Variants in TSHZ2 observed in about 807,000 individuals in gnomAD.
TSHZ2 encodes the protein teashirt zinc finger homeobox 2.
In TSHZ2, 21 loss-of-function variants were observed where a neutral mutation model predicts 74.4. The ratio of observed to expected loss-of-function variants is 0.28; its 90% confidence interval spans 0.20 to 0.41. The LOEUF (loss-of-function observed/expected upper bound fraction) is 0.41. Among genes scored for constraint, TSHZ2 ranks in the 10% least tolerant of loss-of-function variants. TSHZ2 has a pLI of 1.00. For synonymous variants in TSHZ2, 540 were observed against 515.3 expected (o/e 1.05, Z -0.65); for missense variants, 1,244 against 1,293.5 (o/e 0.96, Z 0.59).
intron 1 of TSHZ2, among the ~76,000 whole-genome samples, chr20:53,070,042 C>T (rs1185908527): frequency 6.6e-6 from 1 of 152,070 alleles, no homozygotes. Context: ...TCAGGTAAAC[C>T]AAAATTATTT....
At chr20:53,111,394 A>G (rs1461674896) in intron 1 of TSHZ2, among the ~76,000 whole-genome samples, 3 of 152,148 alleles carry the variant, frequency 2.0e-5, no homozygotes, top group African/African-American at 7.2e-5. Flanking sequence ...AAATAACAAA[A>G]GTTTATTTCT....
At chr20:53,217,753 T>C (rs2123631338) in intron 1 of TSHZ2, among the ~76,000 whole-genome samples, 1 of 152,356 alleles carries the variant, frequency 6.6e-6, no homozygotes, top group Admixed American at 6.5e-5. Context: ...GGCTAAGGGC[T>C]ACATTTGATC....
intron 1 of TSHZ2, among the ~76,000 whole-genome samples, chr20:53,204,436 T>G (rs1166718390): frequency 6.6e-6 from 1 of 150,998 alleles, no homozygotes; most frequent in African/African-American, 2.4e-5. Context: ...TATATCATAA[T>G]ATGATATAAT....
At chr20:52,994,392 GGATGGATGGATGGATGGATGAGTA>G (rs1295344717) in intron 1 of TSHZ2, among the ~76,000 whole-genome samples, 5 of 151,676 alleles carry the variant, frequency 3.3e-5, no homozygotes, top group South Asian at 2.1e-4. Flanking sequence ...ATGGATAAAC[GGATGGATGGATGGATGGATGAGTA>G]GATGGATGGA....
intron 1 of TSHZ2, among the ~76,000 whole-genome samples, chr20:53,248,247 A>AT (rs1224933578): frequency 6.1e-5 from 9 of 148,224 alleles, no homozygotes; most frequent in South Asian, 4.3e-4. Context: ...TTTTTTTTTT[A>AT]TTTTTTTTGT....
chr20:53,255,826 C>T lies in TSHZ2; in HGVS notation c.2368C>T (p.His790Tyr). 1 of 1,612,798 alleles carries T rather than the reference C, an allele frequency of 6.2e-7. No homozygotes were observed. The stretch of plus-strand genomic sequence containing the variant: ...ATCTTGTATGTCCCCACCTCAGAAG[C>T]ACGCTCTGTCTGACATCGCCGACAT... Reference protein sequence around the residue: ...AQSCMSPPQKHALSDIADMVK... With the variant: ...AQSCMSPPQKYALSDIADMVK... Residue 790 changes from histidine (H) to tyrosine (Y), a missense_variant, in exon 2 of 3, where the codon CAC (histidine) becomes TAC (tyrosine). By Grantham distance (83) the His-to-Tyr change is moderately conservative. Coordinates refer to ENST00000371497, the MANE Select transcript of TSHZ2 (RefSeq NM_173485.6). This position sits in a 1 kb window ranked among gnomAD's most constrained non-coding sequence, Gnocchi z 4.1.
intron 2 of TSHZ2, among the ~76,000 whole-genome samples, chr20:53,418,697 GA>G (rs1219577657): frequency 1.3e-5 from 2 of 152,148 alleles, no homozygotes; most frequent in African/African-American, 4.8e-5. Context: ...TGGGGACACA[GA>G]GTCAAACCGT....
intron 1 of TSHZ2, among the ~76,000 whole-genome samples, chr20:53,185,984 G>A (rs1445993204): frequency 6.6e-6 from 1 of 152,198 alleles, no homozygotes; most frequent in Non-Finnish European, 1.5e-5. Flanking sequence ...CACTTGGGTG[G>A]ATTTCTTACT....
At chr20:53,110,878 C>T (rs1986515578) in intron 1 of TSHZ2, among the ~76,000 whole-genome samples, 1 of 150,910 alleles carries the variant, frequency 6.6e-6, no homozygotes, top group Admixed American at 6.6e-5. Context: ...GCAGCTGAGT[C>T]CCATTTTGGG....
rs1343007331 is a variant in TSHZ2 at position 53,489,720 on chromosome 20, A to ATGTC, written c.*2586_*2587insGTCT. ...TTGATAAATTTGGTAAGACAGGTGA[A>ATGTC]TTGCCGCCTGGCAACCGTGCATGTC... On this transcript the variant is annotated 3_prime_UTR_variant, in exon 3 of 3. Transcript: ENST00000371497. 1 of 156,672 alleles carries ATGTC rather than the reference A, an allele frequency of 6.4e-6. No homozygotes were observed. Among genetic ancestry groups the ATGTC allele is most frequent in the Non-Finnish European group, 1.4e-5 (1 of 70,822 alleles). 9.7% of individuals were successfully genotyped at this position (156,672 alleles called of 1,614,324 possible).
At chr20:53,033,514 C>T (rs967838235) in intron 1 of TSHZ2, among the ~76,000 whole-genome samples, 8 of 152,130 alleles carry the variant, frequency 5.3e-5, no homozygotes, top group Admixed American at 2.0e-4. Flanking sequence ...CGCCTTCTAA[C>T]GTCTCCTGCA....
chr20:53,128,461 C>T (rs1217138429), intron 1 of TSHZ2, among the ~76,000 whole-genome samples: 1 of 152,066 alleles, frequency 6.6e-6, no homozygotes, highest in African/African-American at 2.4e-5. Context: ...TATTTTAAGA[C>T]AGTAGATTGC....
At chr20:53,290,993 T>G (rs1415075479) in intron 2 of TSHZ2, among the ~76,000 whole-genome samples, 1 of 152,192 alleles carries the variant, frequency 6.6e-6, no homozygotes, top group Non-Finnish European at 1.5e-5. Context: ...AAATATTTAC[T>G]ACCTAGTCCT....
intron 1 of TSHZ2, among the ~76,000 whole-genome samples, chr20:53,033,475 TTCA>T (rs1196515620): frequency 6.6e-6 from 1 of 152,038 alleles, no homozygotes; most frequent in Admixed American, 6.6e-5. Flanking sequence ...CCACAGTATC[TTCA>T]TCATTAAATT....
intron 2 of TSHZ2, among the ~76,000 whole-genome samples, chr20:53,352,706 G>A (rs2023208): frequency 0.32 from 47,701 of 150,688 alleles, 8,290 homozygotes; most frequent in South Asian, 0.47. Flanking sequence ...CTTGGGAGGC[G>A]GAGGCTGCAG....
intron 2 of TSHZ2, among the ~76,000 whole-genome samples, chr20:53,405,015 C>T (rs181849625): frequency 6.6e-6 from 1 of 152,088 alleles, no homozygotes; most frequent in Non-Finnish European, 1.5e-5. Flanking sequence ...TTTGGGAGGC[C>T]GATGTGGGTG....
At chr20:53,262,612 T>A (rs1282470499) in intron 2 of TSHZ2, among the ~76,000 whole-genome samples, 2 of 152,186 alleles carry the variant, frequency 1.3e-5, no homozygotes, top group South Asian at 4.1e-4. Context: ...TGAAGAACAA[T>A]GCAGTTTTAG....
intron 1 of TSHZ2, among the ~76,000 whole-genome samples, chr20:53,017,516 A>G (rs140942661): frequency 4.6e-5 from 7 of 152,020 alleles, no homozygotes; most frequent in African/African-American, 1.7e-4. Flanking sequence ...TCATGATCTA[A>G]TAGATGTTAT....
At chr20:53,403,223 G>A (rs907855034) in intron 2 of TSHZ2, among the ~76,000 whole-genome samples, 2 of 152,138 alleles carry the variant, frequency 1.3e-5, no homozygotes, top group East Asian at 1.9e-4. Context: ...TTGCTGCAAT[G>A]GACAAGATTT....
Sources: allele counts gnomAD v4.1 joint callset (sites outside exome capture counted in the v4.1 genomes callset), GRCh38; gene constraint gnomAD v4.1.1; non-coding constraint Gnocchi (gnomAD v3.1); transcripts MANE v1.5; gene names NCBI Gene and HGNC (gene_info 2026-07-23, HGNC 2026-07-21).